The following PRRX1 variants were observed in gnomAD, a reference collection of about 807,000 sequenced individuals.
PRRX1 encodes paired related homeobox 1, also known as paired mesoderm homeobox protein 1.
A neutral mutation model predicts 24.0 loss-of-function variants in PRRX1; 8 were observed. That is an observed-to-expected ratio of 0.33 (90% CI 0.20 to 0.60). PRRX1 has a LOEUF of 0.60. Ranked by LOEUF, PRRX1 falls within the 20% of genes least tolerant of loss-of-function variation. The pLI, the probability that PRRX1 is intolerant of heterozygous loss-of-function variation, is 0.82. For synonymous variants in PRRX1, 160 were observed against 131.7 expected (o/e 1.22, Z -1.47); for missense variants, 281 against 322.4 (o/e 0.87, Z 0.98).
chr1:170,711,618 CAT>C (rs1558057207), intron 1 of PRRX1, among the ~76,000 whole-genome samples: 1 of 152,106 alleles, frequency 6.6e-6, no homozygotes, highest in Non-Finnish European at 1.5e-5. Context: ...AAAAAGGTGA[CAT>C]ATGATGCTTG....
At chr1:170,723,735 C>T (rs915626752) in intron 2 of PRRX1, among the ~76,000 whole-genome samples, 2 of 152,228 alleles carry the variant, frequency 1.3e-5, no homozygotes, top group African/African-American at 4.8e-5. Flanking sequence ...ATGGAGTCTA[C>T]TTACACAAAT....
chr1:170,665,967 C>A (rs567395203), intron 1 of PRRX1, among the ~76,000 whole-genome samples: 1 of 152,246 alleles, frequency 6.6e-6, no homozygotes, highest in Admixed American at 6.5e-5. Context: ...AAGGGCTAGG[C>A]GCAGAGACAG....
At chr1:170,714,011 G>A (rs1654829348) in intron 1 of PRRX1, among the ~76,000 whole-genome samples, 1 of 152,218 alleles carries the variant, frequency 6.6e-6, no homozygotes, top group Non-Finnish European at 1.5e-5. Context: ...CGATGTGTGT[G>A]TGCTGCTAAA....
chr1:170,731,918 G>A (rs1369921765), intron 3 of PRRX1, among the ~76,000 whole-genome samples: 1 of 152,140 alleles, frequency 6.6e-6, no homozygotes, highest in Non-Finnish European at 1.5e-5. Context: ...TGGTTTCTTG[G>A]TCACTGACAC....
At chr1:170,692,966 G>A (rs534542905) in intron 1 of PRRX1, among the ~76,000 whole-genome samples, 3 of 152,114 alleles carry the variant, frequency 2.0e-5, no homozygotes, top group South Asian at 4.2e-4. Context: ...AAGTGATCCT[G>A]GAACTTTTCC....
chr1:170,724,477 G>A (rs1169968859), intron 2 of PRRX1, among the ~76,000 whole-genome samples: 3 of 152,136 alleles, frequency 2.0e-5, no homozygotes. Flanking sequence ...GTAACAAAGA[G>A]GTCCAGTTTC....
At chr1:170,675,120 T>C (rs889125615) in intron 1 of PRRX1, among the ~76,000 whole-genome samples, 4 of 152,216 alleles carry the variant, frequency 2.6e-5, no homozygotes, top group Non-Finnish European at 4.4e-5. Flanking sequence ...TCTCCAAGGA[T>C]TGTGAAAGCT....
intron 1 of PRRX1, among the ~76,000 whole-genome samples, chr1:170,674,742 A>G (rs1653257170): frequency 6.6e-6 from 1 of 151,458 alleles, no homozygotes; most frequent in Non-Finnish European, 1.5e-5. Flanking sequence ...TGTTTTTGTA[A>G]TCTTTAGCTG....
chr1:170,686,737 T>C (rs1347744264), intron 1 of PRRX1, among the ~76,000 whole-genome samples: 1 of 152,190 alleles, frequency 6.6e-6, no homozygotes, highest in African/African-American at 2.4e-5. Context: ...TTAAAATCTA[T>C]AGTTGACACC....
At chr1:170,665,796 G>T (rs1039338897) in intron 1 of PRRX1, among the ~76,000 whole-genome samples, 2 of 152,204 alleles carry the variant, frequency 1.3e-5, no homozygotes, top group Non-Finnish European at 2.9e-5. Context: ...GTTCCGGCCT[G>T]GGCGCCCCTG....
chr1:170,729,184 T>C (rs1655350025), intron 3 of PRRX1, among the ~76,000 whole-genome samples: 1 of 152,212 alleles, frequency 6.6e-6, no homozygotes, highest in South Asian at 2.1e-4. Context: ...AAATTAAACC[T>C]TGCATTGTAT....
chr1:170,669,579 T>C (rs1653074397), intron 1 of PRRX1, among the ~76,000 whole-genome samples: 1 of 151,994 alleles, frequency 6.6e-6, no homozygotes. Context: ...ACCAGTCTGA[T>C]TTTTTATTTT....
At chr1:170,675,785 T>C (rs1228296395) in intron 1 of PRRX1, among the ~76,000 whole-genome samples, 1 of 152,142 alleles carries the variant, frequency 6.6e-6, no homozygotes, top group East Asian at 1.9e-4. Context: ...ATACAAATAT[T>C]TTATTTAGGG....
intron 1 of PRRX1, among the ~76,000 whole-genome samples, chr1:170,696,911 C>T (rs1654189034): frequency 1.3e-5 from 2 of 152,134 alleles, no homozygotes; most frequent in Admixed American, 1.3e-4. Context: ...GACTGAGAAT[C>T]TGCCTGGCAC....
intron 1 of PRRX1, among the ~76,000 whole-genome samples, chr1:170,708,575 T>A (rs545160983): frequency 3.3e-5 from 5 of 152,324 alleles, no homozygotes; most frequent in African/African-American, 1.2e-4. Context: ...ATATGTTTTT[T>A]GGAACATAGA....
At chr1:170,705,273 A>C (rs1654521148) in intron 1 of PRRX1, among the ~76,000 whole-genome samples, 2 of 152,060 alleles carry the variant, frequency 1.3e-5, no homozygotes, top group Non-Finnish European at 2.9e-5. Context: ...GGTTTATTTA[A>C]ATTTTAGACA....
Position 170,736,183 on chromosome 1 carries a change from C to T in PRRX1, c.735C>T (p.Asn245=). The change falls in exon 4 of 4, where the codon AAC becomes AAT. Residue 245 remains asparagine (N), a synonymous_variant. Transcript: ENST00000239461. The stretch of plus-strand genomic sequence containing the variant: ...AGAGGAACCAGGTGCCAACAGTCAA[C>T]TGAGGAAAAAAAATAATTAAACAGG... ...SLQRNQVPTV[N] is the part of the protein sequence containing the mutation. 6.2e-7 allele frequency: 1 copy of T among 1,613,932 alleles called. No individual in the cohort carries two copies. The highest frequency in any genetic ancestry group is 1.7e-5 in the Admixed American group (1 of 59,992).
chr1:170,725,127 T>C (rs1300908967), intron 2 of PRRX1, among the ~76,000 whole-genome samples: 1 of 152,102 alleles, frequency 6.6e-6, no homozygotes, highest in Non-Finnish European at 1.5e-5. Flanking sequence ...TGCATACTGA[T>C]TTTGCACCCT....
intron 2 of PRRX1, chr1:170,722,539 C>A (rs1213846344): frequency 6.6e-6 from 1 of 152,050 alleles, no homozygotes; most frequent in Non-Finnish European, 1.5e-5. Context: ...TAATATGATT[C>A]CTACATCAGT....
Sources: allele counts gnomAD v4.1 joint callset (sites outside exome capture counted in the v4.1 genomes callset), GRCh38; gene constraint gnomAD v4.1.1; transcripts MANE v1.5; gene names NCBI Gene and HGNC (gene_info 2026-07-23, HGNC 2026-07-21).